SLC24A3: variants seen among roughly 807,000 people sequenced by gnomAD.
The protein encoded by SLC24A3 is sodium/potassium/calcium exchanger 3.
In SLC24A3, 28 loss-of-function variants were observed where a neutral mutation model predicts 75.8. The ratio of observed to expected loss-of-function variants is 0.37; its 90% CI spans 0.27 to 0.51. SLC24A3 has a LOEUF of 0.51. Among genes scored for constraint, SLC24A3 ranks in the 20% least tolerant of loss-of-function variants. SLC24A3 has a pLI of 0.94. For missense variants in SLC24A3, 663 were observed against 847.8 expected, an observed-to-expected ratio of 0.78 and a Z score of 2.71; for synonymous variants, 372 against 334.1, an observed-to-expected ratio of 1.11 and a Z score of -1.24.
Position 19,343,410 on chromosome 20 carries a change from G to T in SLC24A3, c.271+62323G>T, listed in dbSNP as rs1458650204. Among the ~76,000 whole-genome samples, 4 of 152,192 alleles carry T rather than the reference G, an allele frequency of 2.6e-5. No homozygotes were observed. In the East Asian group the frequency reaches 7.7e-4, roughly 29 times the overall value. The stretch of plus-strand genomic sequence containing the variant: ...ATAAAAGGACCAAGGTATGGGGGAA[G>T]GTTAAATGAATTAACACACGTGAAG... On this transcript the variant is annotated intron_variant, in intron 2 of 16. Coordinates refer to ENST00000328041, the MANE Select transcript of SLC24A3 (RefSeq NM_020689.4).
intron 16 of SLC24A3, 117 bp from the exon 17 acceptor site, chr20:19,720,874 C>A (rs1433522955): frequency 1.7e-6 from 2 of 1,164,742 alleles, no homozygotes; most frequent in African/African-American, 3.1e-5. Context: ...AGGATCAGCA[C>A]CCTGCCCGAG....
At chr20:19,452,021 A>G (rs1404728395) in intron 2 of SLC24A3, among the ~76,000 whole-genome samples, 2 of 152,184 alleles carry the variant, frequency 1.3e-5, no homozygotes, top group African/African-American at 2.4e-5. Flanking sequence ...CTCTGTGGCT[A>G]TTTTCAGAAG....
intron 1 of SLC24A3, among the ~76,000 whole-genome samples, chr20:19,218,071 G>A (rs562910079): frequency 6.6e-6 from 1 of 152,220 alleles, no homozygotes; most frequent in African/African-American, 2.4e-5. Context: ...CCCATAGTAG[G>A]AGCTCAGAAG....
chr20:19,349,984 T>A (rs1336170359), intron 2 of SLC24A3, among the ~76,000 whole-genome samples: 3 of 152,216 alleles, frequency 2.0e-5, no homozygotes, highest in Non-Finnish European at 4.4e-5. Flanking sequence ...GTAAATGGCG[T>A]GTCCAACCAG....
At chr20:19,412,244 G>C (rs1462821270) in intron 2 of SLC24A3, among the ~76,000 whole-genome samples, 1 of 152,144 alleles carries the variant, frequency 6.6e-6, no homozygotes, top group Non-Finnish European at 1.5e-5. Flanking sequence ...ATTCAGGCAG[G>C]AGTGACCCAG....
intron 15 of SLC24A3, among the ~76,000 whole-genome samples, chr20:19,714,800 G>A (rs2033027164): frequency 1.3e-5 from 2 of 152,242 alleles, no homozygotes; most frequent in South Asian, 4.1e-4. Flanking sequence ...AACATAGGAA[G>A]AGTAAAGTTC....
intron 1 of SLC24A3, among the ~76,000 whole-genome samples, chr20:19,237,630 C>T (rs1163719807): frequency 6.6e-6 from 1 of 152,192 alleles, no homozygotes; most frequent in East Asian, 1.9e-4. Context: ...GCTCTCCATG[C>T]ATAGGACCTG....
chr20:19,293,312 G>A (rs1300102124), intron 2 of SLC24A3, among the ~76,000 whole-genome samples: 2 of 152,102 alleles, frequency 1.3e-5, no homozygotes, highest in Non-Finnish European at 2.9e-5. Flanking sequence ...CTGGTTTCAT[G>A]CAGGACATTG....
At chr20:19,598,358 T>A (rs1034804499) in intron 6 of SLC24A3, among the ~76,000 whole-genome samples, 7 of 152,148 alleles carry the variant, frequency 4.6e-5, no homozygotes, top group African/African-American at 1.7e-4. Flanking sequence ...GCAGACCATC[T>A]AGGGCAATGG....
chr20:19,657,478 G>A (rs1442145208), intron 7 of SLC24A3, among the ~76,000 whole-genome samples: 1 of 152,138 alleles, frequency 6.6e-6, no homozygotes. Flanking sequence ...ATTTCCTTGG[G>A]GTATTCATCT....
intron 2 of SLC24A3, among the ~76,000 whole-genome samples, chr20:19,282,594 T>G (rs1322371830): frequency 2.0e-5 from 3 of 152,280 alleles, no homozygotes. Flanking sequence ...GATCTGGTCC[T>G]GTAGTCAAAT....
At chr20:19,570,199 G>C (rs767643760) in intron 3 of SLC24A3, among the ~76,000 whole-genome samples, 1 of 152,166 alleles carries the variant, frequency 6.6e-6, no homozygotes. Flanking sequence ...GCCAGGAGGA[G>C]AGAGAGCAGG....
At chr20:19,541,030 C>A (rs2876537) in intron 3 of SLC24A3, among the ~76,000 whole-genome samples, 134,780 of 152,266 alleles carry the variant, frequency 0.89, 59,778 homozygotes, top group Middle Eastern at 0.93. Flanking sequence ...TGTCAGATGA[C>A]GACTTGAAAG....
intron 3 of SLC24A3, among the ~76,000 whole-genome samples, chr20:19,578,192 T>C (rs1188787772): frequency 2.0e-5 from 3 of 152,168 alleles, no homozygotes; most frequent in Non-Finnish European, 2.9e-5. Context: ...TATTATTGGC[T>C]CATGAAATTA....
chr20:19,636,095 G>A (rs752783486), intron 6 of SLC24A3, among the ~76,000 whole-genome samples: 33 of 152,244 alleles, frequency 2.2e-4, no homozygotes, highest in Non-Finnish European at 4.3e-4. Flanking sequence ...AGCCAAGATC[G>A]TGCCACTGCA....
intron 6 of SLC24A3, among the ~76,000 whole-genome samples, chr20:19,609,616 T>C (rs1047837225): frequency 1.3e-5 from 2 of 152,122 alleles, no homozygotes; most frequent in East Asian, 3.9e-4. Flanking sequence ...CCTCCCTGTG[T>C]CCATGTGTTT....
At chr20:19,656,176 A>G (rs2032263402) in intron 7 of SLC24A3, among the ~76,000 whole-genome samples, 1 of 152,232 alleles carries the variant, frequency 6.6e-6, no homozygotes, top group African/African-American at 2.4e-5. Context: ...TACTTCAGTG[A>G]CCAGCAGTTT....
intron 2 of SLC24A3, among the ~76,000 whole-genome samples, chr20:19,402,647 T>G (rs145844099): frequency 6.6e-6 from 1 of 152,370 alleles, no homozygotes; most frequent in Non-Finnish European, 1.5e-5. Flanking sequence ...TCAGAGAAGT[T>G]GTTTTTTTGA....
intron 6 of SLC24A3, among the ~76,000 whole-genome samples, chr20:19,630,017 A>T (rs1293563216): frequency 1.3e-5 from 2 of 152,222 alleles, no homozygotes; most frequent in Admixed American, 6.5e-5. Context: ...TGGTATTGTG[A>T]TGTTAGTGCA....
Sources: gnomAD v4.1 joint callset for allele counts (sites outside exome capture counted in the v4.1 genomes callset) on GRCh38, gnomAD v4.1.1 for gene constraint, MANE v1.5 for transcripts, NCBI Gene and HGNC (gene_info 2026-07-23, HGNC 2026-07-21) for gene names.